Variants in HPS4 observed in about 807,000 individuals in gnomAD.
HPS4 encodes the protein HPS4 biogenesis of lysosomal organelles complex 3 subunit 2.
HPS4 carries 44 observed loss-of-function variants against 70.3 expected under a neutral mutation model. That is an observed-to-expected ratio of 0.63 (90% CI 0.49 to 0.80). The LOEUF (loss-of-function observed/expected upper bound fraction) is 0.80, where lower values mean the gene tolerates loss of function less well. Ranked by LOEUF, HPS4 falls within the 30% of genes least tolerant of loss-of-function variation. The pLI is 0.00. For synonymous variants in HPS4, 377 were observed against 355.9 expected (o/e 1.06, Z -0.67); for missense variants, 873 against 884.4 (o/e 0.99, Z 0.16).
chr22:26,451,996 GCGCGCGCGCACACACACACACACACACA>G lies in HPS4; in HGVS notation c.*1209_*1236del. 2 of 40,314 alleles carry G rather than the reference GCGCGCGCGCACACACACACACACACACA, an allele frequency of 5.0e-5. No homozygotes were observed. Among genetic ancestry groups the G allele is most frequent in the Non-Finnish European group, 1.5e-4 (2 of 13,398 alleles). 2.5% of individuals were successfully genotyped at this position (40,314 alleles called of 1,614,324 possible). A position where few individuals can be genotyped will look rare whatever the true frequency, so the allele number is the denominator to read the frequency against. ...GGATGCGCCCACGTTACGCGCGCGC[GCGCGCGCGCACACACACACACACACACA>G]CACACACACACACACACACTGTCTT... On this transcript the variant is annotated 3_prime_UTR_variant, in exon 14 of 14. Transcript: ENST00000398145.
chr22:26,483,614 A>T, intron 1 of HPS4, 60 bp downstream of exon 1: 1 of 292,692 alleles, frequency 3.4e-6, no homozygotes. Flanking sequence ...GGGTCGGGTC[A>T]CGCTCTAAGC....
chr22:26,472,810 C>T, intron 5 of HPS4, 22 bp downstream of exon 5: 1 of 1,564,280 alleles, frequency 6.4e-7, no homozygotes, highest in Non-Finnish European at 8.8e-7. Flanking sequence ...CAATGTAAGA[C>T]TCCTCAACCC....
intron 7 of HPS4, among the ~76,000 whole-genome samples, chr22:26,469,557 G>A (rs1204003884): frequency 6.6e-6 from 1 of 151,750 alleles, no homozygotes; most frequent in Non-Finnish European, 1.5e-5. Flanking sequence ...TCATGTATTA[G>A]CCGTATAATG....
downstream of HPS4, among the ~76,000 whole-genome samples, chr22:26,450,432 A>T (rs570028374): frequency 6.6e-6 from 1 of 152,358 alleles, no homozygotes; most frequent in East Asian, 1.9e-4. Flanking sequence ...ACTTCAACAA[A>T]GCCCCTGGGC....
intron 13 of HPS4, 137 bp downstream of exon 13, chr22:26,457,722 G>A (rs2086407480): frequency 1.1e-5 from 8 of 715,976 alleles, no homozygotes; most frequent in East Asian, 5.4e-5. Context: ...AATAGGAACC[G>A]ACAAAGGAAG....
At chr22:26,443,466 C>T (rs1387511993), downstream of HPS4, 8 of 423,370 alleles carry the variant, frequency 1.9e-5, no homozygotes, top group African/African-American at 8.2e-5. Flanking sequence ...GGCCTAACAG[C>T]GCATTCCTTT....
intron 7 of HPS4, among the ~76,000 whole-genome samples, chr22:26,470,045 T>C (rs2089523704): frequency 6.6e-6 from 1 of 152,242 alleles, no homozygotes; most frequent in Non-Finnish European, 1.5e-5. Context: ...AGAGCCTCAG[T>C]GCTTCTCCAT....
intron 11 of HPS4, among the ~76,000 whole-genome samples, chr22:26,461,448 T>A (rs1023046188): frequency 6.6e-6 from 1 of 151,994 alleles, no homozygotes; most frequent in Non-Finnish European, 1.5e-5. Flanking sequence ...CCAGCCCCAA[T>A]CCCAACCCTC....
At chr22:26,458,700 T>A in intron 11 of HPS4, 123 bp from the exon 12 acceptor site, 2 of 1,173,926 alleles carry the variant, frequency 1.7e-6, no homozygotes, top group Non-Finnish European at 2.4e-6. Context: ...CTCACACCTG[T>A]AATCCCAGTG....
At chr22:26,450,320 G>A (rs747360522), downstream of HPS4, among the ~76,000 whole-genome samples, 1 of 152,208 alleles carries the variant, frequency 6.6e-6, no homozygotes, top group Non-Finnish European at 1.5e-5. Flanking sequence ...ACCCCGAGCA[G>A]GGCGGGGTGT....
chr22:26,465,401 G>T, intron 10 of HPS4, 54 bp downstream of exon 10: 2 of 1,284,484 alleles, frequency 1.6e-6, no homozygotes, highest in Non-Finnish European at 2.3e-6. Context: ...AACCAATCAC[G>T]CGATGGGGTC....
intron 4 of HPS4, chr22:26,476,392 C>A (rs2090548455): frequency 6.6e-6 from 1 of 150,942 alleles, no homozygotes; most frequent in African/African-American, 2.4e-5. Flanking sequence ...ACTCTGTTGC[C>A]TAGGCTAGCG....
downstream of HPS4, among the ~76,000 whole-genome samples, chr22:26,447,758 A>T (rs540845398): frequency 1.5e-4 from 23 of 152,212 alleles, no homozygotes; most frequent in African/African-American, 5.3e-4. Flanking sequence ...AGCAGATTGC[A>T]GCATTAGGAG....
rs1270695598 is a variant in HPS4 at position 26,481,730 on chromosome 22, T to C, written c.33A>G (p.Ser11=). The C allele has an allele frequency of 5.6e-6, 9 of 1,614,044 alleles. No individual in the cohort carries two copies. Among genetic ancestry groups the C allele is most frequent in the Non-Finnish European group, 7.6e-6 (9 of 1,179,962 alleles). Residue 11 remains serine, a synonymous_variant, in exon 2 of 14, where the codon TCA becomes TCG. Coordinates refer to ENST00000398145, the MANE Select transcript of HPS4 (RefSeq NM_022081.6). ...CAGGCCTTGTTACTCACCACGAGGCTGACTTTGCCTCTGTGGAGGTAGAGG... is the reference window on the plus strand; with the variant it reads ...CAGGCCTTGTTACTCACCACGAGGCCGACTTTGCCTCTGTGGAGGTAGAGG... MATSTSTEAK[S]ASWWNYFFLY...
chr22:26,466,751 T>TA, intron 8 of HPS4: 11 of 184,272 alleles, frequency 6.0e-5, no homozygotes, highest in Non-Finnish European at 8.1e-5. Flanking sequence ...TTGTTCTGGT[T>TA]CACAATCAGG....
At chr22:26,456,818 A>G (rs1443255373) in intron 13 of HPS4, among the ~76,000 whole-genome samples, 1 of 152,212 alleles carries the variant, frequency 6.6e-6, no homozygotes, top group Non-Finnish European at 1.5e-5. Flanking sequence ...GGGCTTTTAT[A>G]AAGTGATCTT....
At chr22:26,481,620 G>C in intron 2 of HPS4, 102 bp downstream of exon 2, 1 of 1,097,794 alleles carries the variant, frequency 9.1e-7, no homozygotes, top group South Asian at 1.3e-5. Flanking sequence ...TTATTGTTAT[G>C]TTAATAAAAT....
At position 26,464,386 on chromosome 22, in the gene HPS4, G is replaced by C. The variant is rs773931864; in HGVS notation, c.1244C>G (p.Thr415Arg). 1 of 1,614,056 alleles carries C rather than the reference G, an allele frequency of 6.2e-7. No homozygotes were observed. Among genetic ancestry groups the C allele is most frequent in the Non-Finnish European group, 8.5e-7 (1 of 1,180,046 alleles). The change falls in exon 11 of 14, where the codon ACG becomes AGG. Residue 415 changes from threonine (T) to arginine (R), a missense_variant. Transcript: ENST00000398145. ...SLSASSSLEP[T>R]PPEDTAISSL... ...GCTGATGGCTGTGTCCTCAGGAGGC[G>C]TGGGTTCCAGGCTGCTGGAGGCGCT...
At chr22:26,447,412 T>C (rs758159328), downstream of HPS4, among the ~76,000 whole-genome samples, 27 of 152,210 alleles carry the variant, frequency 1.8e-4, no homozygotes, top group Non-Finnish European at 3.4e-4. Context: ...GTGCGCCTTT[T>C]ATTCGTAAGC....
Sources: allele counts gnomAD v4.1 joint callset (sites outside exome capture counted in the v4.1 genomes callset), GRCh38; gene constraint gnomAD v4.1.1; transcripts MANE v1.5; gene names NCBI Gene and HGNC (gene_info 2026-07-23, HGNC 2026-07-21).